SUPT3H: variants seen among roughly 807,000 people sequenced by gnomAD.
SUPT3H encodes transcription initiation protein SPT3 homolog.
A neutral mutation model predicts 44.3 loss-of-function variants in SUPT3H; 44 were observed. That is an observed-to-expected ratio of 0.99 (90% CI 0.78 to 1.28). SUPT3H has a LOEUF of 1.28. Among genes scored for constraint, SUPT3H ranks in the 50% most tolerant of loss-of-function variants. The probability of loss-of-function intolerance (pLI) is 0.00; values close to 1 mark genes in which losing one functional copy is unlikely to be tolerated. For synonymous variants in SUPT3H, 124 were observed against 125.6 expected, an observed-to-expected ratio of 0.99 and a Z score of 0.09; for missense variants, 380 against 387.1, an observed-to-expected ratio of 0.98 and a Z score of 0.15.
chr6:45,049,544 A>G (rs1294838085), intron 3 of SUPT3H, among the ~76,000 whole-genome samples: 1 of 152,178 alleles, frequency 6.6e-6, no homozygotes, highest in Admixed American at 6.5e-5. Context: ...CTATAATGAC[A>G]TTTCACGACT....
chr6:44,846,799 T>G (rs1771956486), intron 10 of SUPT3H, among the ~76,000 whole-genome samples: 1 of 152,084 alleles, frequency 6.6e-6, no homozygotes, highest in Non-Finnish European at 1.5e-5. Context: ...ATCTGGCTCA[T>G]TTTTGTATTT....
At chr6:44,899,332 GTCC>G (rs1265267407) in intron 10 of SUPT3H, 1 of 152,170 alleles carries the variant, frequency 6.6e-6, no homozygotes, top group Non-Finnish European at 1.5e-5. Context: ...TCTATTTGTA[GTCC>G]TGATGAATAA....
intron 3 of SUPT3H, among the ~76,000 whole-genome samples, chr6:45,025,626 G>A (rs1162386080): frequency 6.6e-6 from 1 of 152,190 alleles, no homozygotes; most frequent in African/African-American, 2.4e-5. Context: ...GCTCACGCCT[G>A]TAATCCCAGC....
At chr6:45,300,597 G>C (rs1354055813) in intron 2 of SUPT3H, among the ~76,000 whole-genome samples, 1 of 152,182 alleles carries the variant, frequency 6.6e-6, no homozygotes, top group Non-Finnish European at 1.5e-5. Context: ...TTAGGGGCTG[G>C]AAGATAGGAA....
intron 2 of SUPT3H, among the ~76,000 whole-genome samples, chr6:45,338,712 C>A (rs1789139518): frequency 6.6e-6 from 1 of 152,046 alleles, no homozygotes; most frequent in Non-Finnish European, 1.5e-5. Context: ...TTCGTTTTGT[C>A]ATCAATTTTT....
At chr6:45,279,754 A>T (rs530588497) in intron 2 of SUPT3H, among the ~76,000 whole-genome samples, 6 of 152,310 alleles carry the variant, frequency 3.9e-5, no homozygotes, top group African/African-American at 1.4e-4. Flanking sequence ...ATGGCCTAAT[A>T]CAATGTATTT....
intron 10 of SUPT3H, among the ~76,000 whole-genome samples, chr6:44,906,963 G>A (rs577415481): frequency 6.6e-6 from 1 of 152,322 alleles, no homozygotes; most frequent in East Asian, 1.9e-4. Flanking sequence ...CTGATTAGAT[G>A]TGGAATGTAG....
chr6:45,325,475 C>T (rs932622892), intron 2 of SUPT3H, among the ~76,000 whole-genome samples: 6 of 151,750 alleles, frequency 4.0e-5, no homozygotes, highest in African/African-American at 1.4e-4. Context: ...AAGCAAGATA[C>T]CAACAACTTT....
chr6:45,162,415 T>A (rs140739002), intron 2 of SUPT3H, among the ~76,000 whole-genome samples: 174 of 152,176 alleles, frequency 1.1e-3, no homozygotes, highest in African/African-American at 3.9e-3. Context: ...TCCCAGCTAC[T>A]CAGGAGACTG....
chr6:44,878,733 C>T (rs1777708135), intron 10 of SUPT3H, among the ~76,000 whole-genome samples: 1 of 152,038 alleles, frequency 6.6e-6, no homozygotes, highest in Admixed American at 6.5e-5. Context: ...CCCAGCTTAT[C>T]TCATTGGGAC....
intron 2 of SUPT3H, among the ~76,000 whole-genome samples, chr6:45,284,724 A>C (rs1308376652): frequency 3.3e-5 from 5 of 152,212 alleles, no homozygotes; most frequent in African/African-American, 1.2e-4. Context: ...AAAAGAGGGA[A>C]TCCTCCCTAA....
chr6:44,876,395 T>A (rs1251641751), intron 10 of SUPT3H, among the ~76,000 whole-genome samples: 1 of 101,080 alleles, frequency 9.9e-6, no homozygotes. Context: ...CAGTAAACTA[T>A]CGCAAGAACA....
At chr6:45,092,905 A>G (rs1797327174) in intron 3 of SUPT3H, among the ~76,000 whole-genome samples, 2 of 152,196 alleles carry the variant, frequency 1.3e-5, no homozygotes, top group Non-Finnish European at 2.9e-5. Context: ...GAAACTAACA[A>G]TGTGATTTAT....
intron 6 of SUPT3H, among the ~76,000 whole-genome samples, chr6:44,995,575 A>G (rs1781163966): frequency 6.6e-6 from 1 of 152,070 alleles, no homozygotes; most frequent in Admixed American, 6.6e-5. Flanking sequence ...ATGAGAAAAA[A>G]TCAATGGTAC....
chr6:45,274,949 ATTTTTTTC>A (rs1562844774), intron 2 of SUPT3H, among the ~76,000 whole-genome samples: 1 of 151,914 alleles, frequency 6.6e-6, no homozygotes, highest in Non-Finnish European at 1.5e-5. Flanking sequence ...TGATGCTTTG[ATTTTTTTC>A]TTTTTTTCTA....
intron 2 of SUPT3H, among the ~76,000 whole-genome samples, chr6:45,356,055 G>T (rs973670340): frequency 3.9e-5 from 6 of 152,110 alleles, no homozygotes; most frequent in Admixed American, 6.5e-5. Context: ...CCTATGAAAG[G>T]TAAGAAGAAA....
chr6:44,995,060 C>T (rs1781092179), intron 6 of SUPT3H, among the ~76,000 whole-genome samples: 1 of 151,828 alleles, frequency 6.6e-6, no homozygotes, highest in African/African-American at 2.4e-5. Flanking sequence ...CCCTACTCTT[C>T]AATTATATGA....
chr6:44,861,781 G>A (rs904474735), intron 10 of SUPT3H, among the ~76,000 whole-genome samples: 1 of 152,150 alleles, frequency 6.6e-6, no homozygotes, highest in Non-Finnish European at 1.5e-5. Flanking sequence ...GTTGTCCTAG[G>A]AGCTGACAAG....
chr6:45,240,186 T>C (rs775899326), intron 2 of SUPT3H, among the ~76,000 whole-genome samples: 3 of 152,172 alleles, frequency 2.0e-5, no homozygotes, highest in Non-Finnish European at 4.4e-5. Flanking sequence ...TCTAGCAGGA[T>C]TGCGAGGACC....
Sources: allele counts gnomAD v4.1 joint callset (sites outside exome capture counted in the v4.1 genomes callset), GRCh38; gene constraint gnomAD v4.1.1; transcripts MANE v1.5; gene names NCBI Gene and HGNC (gene_info 2026-07-23, HGNC 2026-07-21).